Variants in MLLT10 observed in about 807,000 individuals in gnomAD.
MLLT10 encodes the protein MLLT10 histone lysine methyltransferase DOT1L cofactor.
In MLLT10, 30 loss-of-function variants were observed where a neutral mutation model predicts 129.1. The ratio of observed to expected loss-of-function variants is 0.23; its 90% CI spans 0.17 to 0.32. The LOEUF (loss-of-function observed/expected upper bound fraction) is 0.32, where lower values mean the gene tolerates loss of function less well. MLLT10 is among the 10% of genes least tolerant of loss of function. MLLT10 has a pLI of 1.00. For synonymous variants in MLLT10, 490 were observed against 446.4 expected, an observed-to-expected ratio of 1.10 and a Z score of -1.23; for missense variants, 1,119 against 1,268.3, an observed-to-expected ratio of 0.88 and a Z score of 1.79.
At chr10:21,693,208 C>T (rs1454872381) in intron 13 of MLLT10, among the ~76,000 whole-genome samples, 3 of 152,126 alleles carry the variant, frequency 2.0e-5, no homozygotes, top group African/African-American at 7.2e-5. Context: ...TCATATCATT[C>T]ATTGATTCAT....
At chr10:21,704,243 A>G (rs1044197058) in intron 13 of MLLT10, among the ~76,000 whole-genome samples, 2 of 148,122 alleles carry the variant, frequency 1.4e-5, no homozygotes, top group African/African-American at 5.0e-5. Flanking sequence ...TCCTGTACTC[A>G]AGTGATCTGC....
At chr10:21,711,687 G>C (rs949345559) in intron 13 of MLLT10, among the ~76,000 whole-genome samples, 5 of 152,046 alleles carry the variant, frequency 3.3e-5, no homozygotes, top group Non-Finnish European at 7.4e-5. Context: ...CAAGGCTGCA[G>C]TGAGCTATGA....
intron 3 of MLLT10, among the ~76,000 whole-genome samples, chr10:21,569,701 G>A (rs2039993786): frequency 6.6e-6 from 1 of 151,786 alleles, no homozygotes; most frequent in Non-Finnish European, 1.5e-5. Flanking sequence ...GATTACAGGT[G>A]TGAGCCACCA....
At chr10:21,540,753 T>A (rs2035006132) in intron 3 of MLLT10, among the ~76,000 whole-genome samples, 1 of 152,190 alleles carries the variant, frequency 6.6e-6, no homozygotes, top group South Asian at 2.1e-4. Flanking sequence ...TTCCTTTCCC[T>A]TGGTGTTGAT....
Position 21,534,380 on chromosome 10 carries a change from C to T in MLLT10, c.-141C>T, listed in dbSNP as rs1175397235. On this transcript the variant is annotated 5_prime_UTR_variant, in exon 1 of 23. Coordinates refer to ENST00000307729, the MANE Select transcript of MLLT10 (RefSeq NM_001195626.3). ...TGCCCTCTCCGGGCGCCCGCGTTAG[C>T]GGCCGGGTGGAGGTGGGGAGGGAAG... The T allele has an allele frequency of 1.2e-5, 4 of 345,398 alleles. No individual in the cohort carries two copies. Among genetic ancestry groups the T allele is most frequent in the African/African-American group, 2.2e-5 (1 of 45,522 alleles). 21.4% of individuals were successfully genotyped at this position (345,398 alleles called of 1,614,324 possible).
In MLLT10 at chr10:21,713,890, A is replaced by G. The variant is rs2056323592; in HGVS notation, c.1818A>G (p.Gln606=). 3 of 1,614,058 alleles carry G rather than the reference A, an allele frequency of 1.9e-6. No individual in the cohort carries two copies. The highest frequency in any genetic ancestry group is 2.2e-5 in the East Asian group (1 of 44,874). ...AGCAGTCTTCTGGGCATTTGCAACA[A>G]GTAGGAGCGCTCTCTCCCTCAGCTG... ...LPQQSSGHLQ[Q]VGALSPSAVS... The change falls in exon 14 of 23, where the codon CAA becomes CAG. Residue 606 remains glutamine, a synonymous_variant. Transcript: ENST00000307729.
In MLLT10 at chr10:21,713,805, T is replaced by C; in HGVS notation, c.1733T>C (p.Phe578Ser). The change falls in exon 14 of 23, where the codon TTT (phenylalanine) becomes TCT (serine). Residue 578 changes from phenylalanine to serine, a missense_variant. By Grantham distance (155) the Phe-to-Ser change is radical. Transcript: ENST00000307729. ...AACAGCAATGATGTAGCAGTATCGTTTCCAAATGTAGTATCTGGCTCGGGA... is the reference window on the plus strand; with the variant it reads ...AACAGCAATGATGTAGCAGTATCGTCTCCAAATGTAGTATCTGGCTCGGGA... ...IYNSNDVAVS[F>S]PNVVSGSGSS... The C allele has an allele frequency of 6.2e-7, 1 of 1,613,730 alleles. No individual in the cohort carries two copies. Among genetic ancestry groups the C allele is most frequent in the South Asian group, 1.1e-5 (1 of 90,988 alleles).
At chr10:21,536,865 A>C (rs1159297058) in intron 2 of MLLT10, among the ~76,000 whole-genome samples, 1 of 151,734 alleles carries the variant, frequency 6.6e-6, no homozygotes, top group East Asian at 1.9e-4. Flanking sequence ...GCTCACCGCA[A>C]CCTCTGCATC....
chr10:21,737,929 G>T (rs901674209), intron 21 of MLLT10, among the ~76,000 whole-genome samples: 2 of 152,134 alleles, frequency 1.3e-5, no homozygotes, highest in African/African-American at 4.8e-5. Flanking sequence ...TTTTCAGTCT[G>T]TTTTTAGAGT....
intron 5 of MLLT10, among the ~76,000 whole-genome samples, chr10:21,600,368 A>AACACACACACACACAC (rs199618726): frequency 1.6e-3 from 230 of 144,642 alleles, no homozygotes; most frequent in African/African-American, 5.1e-3. Context: ...CCTGAGATAG[A>AACACACACACACACAC]ACACACACAC....
In MLLT10 at chr10:21,724,715, G is replaced by T. The variant is rs4145208; in HGVS notation, c.1879-1529G>T. Among the ~76,000 whole-genome samples, 11 of 152,336 alleles carry T rather than the reference G, an allele frequency of 7.2e-5. No homozygotes were observed. The East Asian group carries it at 1.5e-3, about 21-fold the overall frequency. ...TATACAAGAGATTTGCCTCCAAAAT[G>T]TCAAATTTTAAGGTCATAATATTCT... On this transcript the variant is annotated intron_variant, in intron 14 of 22. Transcript: ENST00000307729.
intron 5 of MLLT10, among the ~76,000 whole-genome samples, chr10:21,611,048 G>A (rs2044592488): frequency 7.0e-6 from 1 of 143,312 alleles, no homozygotes; most frequent in South Asian, 2.2e-4. Context: ...CCAGCCTGGA[G>A]TGCAATGGCA....
chr10:21,741,681 C>G (rs1045275639), intron 22 of MLLT10, among the ~76,000 whole-genome samples: 2 of 152,216 alleles, frequency 1.3e-5, no homozygotes, highest in Non-Finnish European at 2.9e-5. Context: ...AAGATGAATT[C>G]TGCATTCATT....
chr10:21,662,499 G>A (rs533497122), intron 9 of MLLT10, among the ~76,000 whole-genome samples: 17 of 152,014 alleles, frequency 1.1e-4, no homozygotes, highest in African/African-American at 4.1e-4. Flanking sequence ...GTCCCACTCT[G>A]CTGATGATTC....
intron 3 of MLLT10, among the ~76,000 whole-genome samples, chr10:21,566,980 A>G (rs1260204524): frequency 6.6e-6 from 1 of 151,348 alleles, no homozygotes; most frequent in African/African-American, 2.4e-5. Flanking sequence ...CACCTGGCTA[A>G]TTTTGTATTT....
intron 3 of MLLT10, among the ~76,000 whole-genome samples, chr10:21,577,553 T>C (rs1329701454): frequency 6.6e-6 from 1 of 150,612 alleles, no homozygotes; most frequent in Non-Finnish European, 1.5e-5. Context: ...CCCAATGCAG[T>C]CTTCACCTCC....
At chr10:21,618,388 A>C (rs940327481) in intron 8 of MLLT10, among the ~76,000 whole-genome samples, 4 of 151,798 alleles carry the variant, frequency 2.6e-5, no homozygotes, top group Non-Finnish European at 4.4e-5. Context: ...TTGTAATCCC[A>C]GCTACTCAGG....
intron 10 of MLLT10, among the ~76,000 whole-genome samples, chr10:21,672,814 CTTAAAG>C (rs1175842659): frequency 1.3e-5 from 2 of 152,120 alleles, no homozygotes; most frequent in African/African-American, 4.8e-5. Flanking sequence ...ACTAGTATGT[CTTAAAG>C]TTAAAACTTA....
Position 21,538,229 on chromosome 10 carries a change from A to G in MLLT10, c.161-604A>G, listed in dbSNP as rs536574291. Among the ~76,000 whole-genome samples the G allele has an allele frequency of 2.7e-5, 4 of 148,714 alleles. No individual in the cohort carries two copies. The East Asian group carries it at 5.9e-4, about 22-fold the overall frequency. ...GCCCAGGCTGGAGTGCAATGGTGCG[A>G]TCTTACCTCACTGCAACCTCTGCCT... On this transcript the variant is annotated intron_variant, in intron 2 of 22. Coordinates refer to ENST00000307729, the MANE Select transcript of MLLT10 (RefSeq NM_001195626.3).
Sources: gnomAD v4.1 joint callset for allele counts (sites outside exome capture counted in the v4.1 genomes callset) on GRCh38, gnomAD v4.1.1 for gene constraint, MANE v1.5 for transcripts, NCBI Gene and HGNC (gene_info 2026-07-23, HGNC 2026-07-21) for gene names.